Variants in TCEA2 observed in about 807,000 individuals in gnomAD.
TCEA2 encodes transcription elongation factor A2.
In TCEA2, 21 loss-of-function variants were observed where a neutral mutation model predicts 40.8. That is an observed-to-expected ratio of 0.51 (90% CI 0.36 to 0.74). TCEA2 has a LOEUF of 0.74. Ranked by LOEUF, TCEA2 falls within the 30% of genes least tolerant of loss-of-function variation. The pLI is 0.00. For missense variants in TCEA2, 326 were observed against 426.5 expected (o/e 0.76, Z 2.08); for synonymous variants, 165 against 162.7 (o/e 1.01, Z -0.11).
chr20:64,067,164 T>G (rs931402088), intron 3 of TCEA2, 144 bp downstream of exon 3: 1 of 791,114 alleles, frequency 1.3e-6, no homozygotes, highest in Admixed American at 2.2e-5. Flanking sequence ...ACCCAGACCA[T>G]GAAGCGCCCA....
At chr20:64,068,158 C>T (rs1569251396) in intron 4 of TCEA2, 24 bp downstream of exon 4, 3 of 1,576,906 alleles carry the variant, frequency 1.9e-6, no homozygotes, top group Non-Finnish European at 1.7e-6. Flanking sequence ...AAGGCAGGTG[C>T]ACACACTTCT....
At chr20:64,064,570 C>T (rs575794619) in intron 1 of TCEA2, among the ~76,000 whole-genome samples, 1 of 152,286 alleles carries the variant, frequency 6.6e-6, no homozygotes, top group East Asian at 1.9e-4. Context: ...GCCAGGCCAG[C>T]CCAGGGCGGT....
chr20:64,070,417 G>C lies in TCEA2; in HGVS notation c.672+3G>C. On this transcript the variant is annotated splice_donor_region_variant and intron_variant, in intron 7 of 9. Coordinates refer to ENST00000343484, the MANE Select transcript of TCEA2 (RefSeq NM_003195.6). ...AGATCGCTGTGATGACCTCAGAGGT[G>C]AGCCCCTGTTGGAGGGGCTGGAGGG... 1 of 1,614,108 alleles carries C rather than the reference G, an allele frequency of 6.2e-7. No homozygotes were observed. The highest frequency in any genetic ancestry group is 8.5e-7 in the Non-Finnish European group (1 of 1,180,014).
At position 64,063,360 on chromosome 20, in the gene TCEA2, C is replaced by G. The variant is rs1200083892; in HGVS notation, c.48C>G (p.Asp16Glu). Reference protein sequence around the residue: ...EEIARIARRLDKMVTKKSAEG... With the variant: ...EEIARIARRLEKMVTKKSAEG... ...TTGCGCGGATCGCCCGGAGGCTGGA[C>G]AAGATGGTGACCAAGAAGAGCGCGG... Residue 16 changes from aspartate (D) to glutamate (E), a missense_variant, in exon 1 of 10, where the codon GAC (aspartate) becomes GAG (glutamate). By Grantham distance (45) the Asp-to-Glu change is conservative (BLOSUM62 2). Coordinates refer to ENST00000343484, the MANE Select transcript of TCEA2 (RefSeq NM_003195.6). 6.5e-7 allele frequency: 1 copy of G among 1,549,450 alleles called. No individual in the cohort carries two copies. Among genetic ancestry groups the G allele is most frequent in the Non-Finnish European group, 8.7e-7 (1 of 1,147,226 alleles).
At position 64,072,276 on chromosome 20, in the gene TCEA2, G is replaced by A. The variant is rs1415249295; in HGVS notation, c.*96G>A. ...GAGACCCTAGAAGGCGGCATGTCCT[G>A]CCCTCAACCTGCCTGCCTGGATTGC... On this transcript the variant is annotated 3_prime_UTR_variant, in exon 10 of 10. Transcript: ENST00000343484. The A allele has an allele frequency of 8.0e-6, 11 of 1,367,884 alleles. No homozygotes were observed. Among genetic ancestry groups the A allele is most frequent in the Non-Finnish European group, 1.0e-5 (10 of 983,792 alleles). 84.7% of individuals were successfully genotyped at this position (1,367,884 alleles called of 1,614,324 possible). A position where few individuals can be genotyped will look rare whatever the true frequency, so the allele number is the denominator to read the frequency against.
At position 64,058,002 on chromosome 20, in the gene TCEA2, G is replaced by A. The variant is rs1216606204; in HGVS notation, c.-84+351G>A. On this transcript the variant is annotated intron_variant, in intron 1 of 10. Transcript: ENST00000361317. This position sits in a 1 kb window ranked among gnomAD's most constrained non-coding sequence, Gnocchi z 6.7. ...TGGGGCCAGTCACCTGCCTCTGCCC[G>A]GGGGCGGGACCATCCCACCGGATTG... Among the ~76,000 whole-genome samples the A allele has an allele frequency of 2.0e-5, 3 of 152,156 alleles. No individual in the cohort carries two copies. Among genetic ancestry groups the A allele is most frequent in the Non-Finnish European group, 4.4e-5 (3 of 68,002 alleles).
At chr20:64,064,013 C>G (rs911034639) in intron 1 of TCEA2, 3 of 152,654 alleles carry the variant, frequency 2.0e-5, no homozygotes, top group African/African-American at 7.2e-5. Flanking sequence ...CCTTGTCATC[C>G]TCCTTCACAG....
At chr20:64,059,680 C>T (rs114190690), upstream of TCEA2, among the ~76,000 whole-genome samples, 1,667 of 152,216 alleles carry the variant, frequency 0.011, 30 homozygotes, top group African/African-American at 0.038. Flanking sequence ...AGGGGGCAGT[C>T]GTCTTTGTTC....
rs1369285133 is a variant in TCEA2, at chr20:64,068,141, C to A, written c.329+7C>A. ...CAGAGGCCCCGGATCCCAGGTAGCA[C>A]ACCTGGAAGGCAGGTGCACACACTT... On this transcript the variant is annotated splice_region_variant and intron_variant, in intron 4 of 9. Coordinates refer to ENST00000343484, the MANE Select transcript of TCEA2 (RefSeq NM_003195.6). 3.7e-6 allele frequency: 6 copies of A among 1,603,224 alleles called. No individual in the cohort carries two copies. In the African/African-American group the frequency reaches 8.0e-5, roughly 21 times the overall value.
At chr20:64,056,388 C>T (rs2059473615), upstream of TCEA2, among the ~76,000 whole-genome samples, 1 of 152,122 alleles carries the variant, frequency 6.6e-6, no homozygotes, top group Non-Finnish European at 1.5e-5. Flanking sequence ...CTGGTGGGGG[C>T]ATCCAAGGGA....
At chr20:64,060,283 G>A (rs1601569634), upstream of TCEA2, among the ~76,000 whole-genome samples, 1 of 152,308 alleles carries the variant, frequency 6.6e-6, no homozygotes, top group East Asian at 1.9e-4. Flanking sequence ...GCTTCCTTTC[G>A]GTGGTCTTCA....
exon 1 of TCEA2, chr20:64,057,525 G>GAGGCCCCAC (rs2059488742): frequency 6.6e-6 from 1 of 152,292 alleles, no homozygotes; most frequent in African/African-American, 2.4e-5. Flanking sequence ...ACCCTGCGGC[G>GAGGCCCCAC]AGGCCCCACA....
In TCEA2 at chr20:64,066,539, G is replaced by T. The variant is rs761233823; in HGVS notation, c.135+1G>T. ...GCCTATCACGCTGCACCTGCTCCAG[G>T]TAGGTCCCTGCCTGCCCCAGGTCCA... On this transcript the variant is annotated splice_donor_variant, in intron 2 of 9. Coordinates refer to ENST00000343484, the MANE Select transcript of TCEA2 (RefSeq NM_003195.6). LOFTEE classifies it high-confidence loss of function. 1 of 1,613,214 alleles carries T rather than the reference G, an allele frequency of 6.2e-7. No homozygotes were observed. Among genetic ancestry groups the T allele is most frequent in the Non-Finnish European group, 8.5e-7 (1 of 1,179,616 alleles).
rs978043654 is a variant in TCEA2 at position 64,066,911 on chromosome 20, G to A, written c.136-4G>A. ...TCCCCCAACCCAGACCACTTGCCTC[G>A]TAGTCCACCCGAGTCGGGATGTCTG... On this transcript the variant is annotated splice_polypyrimidine_tract_variant and splice_region_variant and intron_variant, in intron 2 of 9. Transcript: ENST00000343484. 3.1e-6 allele frequency: 5 copies of A among 1,613,612 alleles called. No homozygotes were observed. The highest frequency in any genetic ancestry group is 3.4e-6 in the Non-Finnish European group (4 of 1,179,756).
chr20:64,070,617 G>C lies in TCEA2; in HGVS notation c.801G>C (p.Lys267Asn). Reference sequence around the variant, plus strand: ...TCACCTGCGGCAAGTGCAGGAAAAAGAACTGCACCTACACACAGGTGAGCG... The same window carrying C: ...TCACCTGCGGCAAGTGCAGGAAAAACAACTGCACCTACACACAGGTGAGCG... Reference protein sequence around the residue: ...DLFTCGKCRKKNCTYTQVQTR... With the variant: ...DLFTCGKCRKNNCTYTQVQTR... Residue 267 changes from lysine to asparagine, a missense_variant, in exon 8 of 10, where the codon AAG becomes AAC. Physicochemically the swap from Lys to Asn is moderately conservative, Grantham distance 94 (BLOSUM62 0). Transcript: ENST00000343484. 6.2e-7 allele frequency: 1 copy of C among 1,606,100 alleles called. No individual in the cohort carries two copies. The highest frequency in any genetic ancestry group is 8.5e-7 in the Non-Finnish European group (1 of 1,176,438).
At chr20:64,059,843 T>A (rs987377983), upstream of TCEA2, among the ~76,000 whole-genome samples, 1 of 152,138 alleles carries the variant, frequency 6.6e-6, no homozygotes, top group African/African-American at 2.4e-5. Flanking sequence ...GGGTCAAGGC[T>A]GGGTCTCTAG....
chr20:64,069,568 G>A (rs2059777759), intron 5 of TCEA2, 77 bp downstream of exon 5: 6 of 1,573,242 alleles, frequency 3.8e-6, no homozygotes, highest in Non-Finnish European at 5.2e-6. Flanking sequence ...GCCCGCAGAG[G>A]CCTGCTTCCA....
upstream of TCEA2, among the ~76,000 whole-genome samples, chr20:64,059,865 G>A (rs1180756280): frequency 2.0e-5 from 3 of 152,098 alleles, no homozygotes; most frequent in Admixed American, 1.3e-4. Flanking sequence ...CTGGTTTTCC[G>A]GGGGCGTCTG....
chr20:64,059,048 C>A (rs1295594975), upstream of TCEA2, among the ~76,000 whole-genome samples: 1 of 152,040 alleles, frequency 6.6e-6, no homozygotes, highest in African/African-American at 2.4e-5. Context: ...AACATATTAG[C>A]CGGGTGTGGT....
Sources: allele counts gnomAD v4.1 joint callset (sites outside exome capture counted in the v4.1 genomes callset), GRCh38; gene constraint gnomAD v4.1.1; non-coding constraint Gnocchi (gnomAD v3.1); transcripts MANE v1.5; gene names NCBI Gene and HGNC (gene_info 2026-07-23, HGNC 2026-07-21).